The following HFM1 variants were observed in gnomAD, a reference collection of about 807,000 sequenced individuals.
HFM1 encodes helicase for meiosis 1, also known as probable ATP-dependent DNA helicase HFM1.
In HFM1, 169 loss-of-function variants were observed where a neutral mutation model predicts 192.1. The observed-to-expected ratio is 0.88, with a 90% CI of 0.78 to 1.00. The LOEUF is 1.00. HFM1 is among the 50% of genes least tolerant of loss of function. HFM1 has a pLI of 0.00. For synonymous variants in HFM1, 525 were observed against 537.8 expected (o/e 0.98, Z 0.33); for missense variants, 1,661 against 1,668.0 (o/e 1.00, Z 0.07).
chr1:91,387,839 T>C (rs11586664), intron 4 of HFM1, among the ~76,000 whole-genome samples: 5 of 143,496 alleles, frequency 3.5e-5, no homozygotes, highest in African/African-American at 7.9e-5. Flanking sequence ...GTGGGTGCAG[T>C]GCACCAGCAT....
chr1:91,389,682 C>A (rs1277952152), intron 4 of HFM1, among the ~76,000 whole-genome samples: 1 of 152,116 alleles, frequency 6.6e-6, no homozygotes, highest in Non-Finnish European at 1.5e-5. Flanking sequence ...GTTATTTACA[C>A]CACCCAATCT....
At chr1:91,347,135 T>C (rs954255833) in intron 19 of HFM1, among the ~76,000 whole-genome samples, 4 of 152,038 alleles carry the variant, frequency 2.6e-5, no homozygotes, top group African/African-American at 9.7e-5. Flanking sequence ...ATACAGAGTG[T>C]GTATCTGTAG....
At chr1:91,397,609 A>G (rs1488061320) in intron 2 of HFM1, among the ~76,000 whole-genome samples, 1 of 152,224 alleles carries the variant, frequency 6.6e-6, no homozygotes, top group Non-Finnish European at 1.5e-5. Context: ...TCTACAACAC[A>G]TTATCTGGCA....
upstream of HFM1, among the ~76,000 whole-genome samples, chr1:91,405,304 C>T (rs1664748232): frequency 6.6e-6 from 1 of 152,128 alleles, no homozygotes; most frequent in Non-Finnish European, 1.5e-5. Context: ...ATGTGTTTAG[C>T]CAACATGAAT....
At chr1:91,391,610 A>G (rs1663000857) in intron 4 of HFM1, among the ~76,000 whole-genome samples, 1 of 152,202 alleles carries the variant, frequency 6.6e-6, no homozygotes, top group Non-Finnish European at 1.5e-5. Context: ...TTCAAGATGG[A>G]TTAAAGACTT....
At chr1:91,276,431 GAAGGAAAGAAGAAAGATTTAGAAGAAAA>G (rs1219922878) in intron 32 of HFM1, among the ~76,000 whole-genome samples, 169 bp downstream of exon 32, 2 of 152,222 alleles carry the variant, frequency 1.3e-5, no homozygotes, top group South Asian at 4.1e-4. Context: ...AAAGAAGATG[GAAGGAAAGAAGAAAGATTTAGAAGAAAA>G]AAGGAAAGAA....
chr1:91,399,482 A>G (rs1340283106), intron 2 of HFM1, among the ~76,000 whole-genome samples: 2 of 152,214 alleles, frequency 1.3e-5, no homozygotes, highest in Non-Finnish European at 2.9e-5. Flanking sequence ...ACAGTGAATT[A>G]TATCCAAAAT....
chr1:91,300,257 A>G (rs546701728), intron 30 of HFM1, among the ~76,000 whole-genome samples: 1 of 152,232 alleles, frequency 6.6e-6, no homozygotes, highest in Non-Finnish European at 1.5e-5. Context: ...CTCTGAATAG[A>G]CCAATAACAG....
chr1:91,367,582 T>A (rs1021058961), intron 13 of HFM1, among the ~76,000 whole-genome samples: 3 of 152,098 alleles, frequency 2.0e-5, no homozygotes, highest in Admixed American at 6.5e-5. Context: ...AGAAAGGACA[T>A]CCACACCAAA....
chr1:91,320,074 T>C (rs556495601), intron 23 of HFM1, among the ~76,000 whole-genome samples: 1 of 152,332 alleles, frequency 6.6e-6, no homozygotes, highest in African/African-American at 2.4e-5. Context: ...AATCAGGCAT[T>C]GATATGCAAA....
At chr1:91,388,349 T>C (rs778530634) in intron 4 of HFM1, among the ~76,000 whole-genome samples, 3 of 152,124 alleles carry the variant, frequency 2.0e-5, no homozygotes, top group African/African-American at 7.2e-5. Context: ...ACCTGTGGGG[T>C]CTGACGCTAA....
chr1:91,341,738 G>A (rs569446032), intron 20 of HFM1, among the ~76,000 whole-genome samples: 1 of 151,070 alleles, frequency 6.6e-6, no homozygotes, highest in African/African-American at 2.4e-5. Flanking sequence ...AACACAATCA[G>A]AAATGACAAA....
chr1:91,340,725 C>G (rs1372017709), intron 20 of HFM1, among the ~76,000 whole-genome samples: 1 of 152,084 alleles, frequency 6.6e-6, no homozygotes, highest in African/African-American at 2.4e-5. Flanking sequence ...TGCAATAACA[C>G]CCATAGGCTT....
intron 13 of HFM1, among the ~76,000 whole-genome samples, chr1:91,358,182 T>C (rs1428846215): frequency 2.6e-5 from 4 of 152,058 alleles, no homozygotes; most frequent in Non-Finnish European, 5.9e-5. Flanking sequence ...ACCCCATCTC[T>C]ACTAAAAATA....
intron 13 of HFM1, among the ~76,000 whole-genome samples, chr1:91,367,278 G>C (rs1051247811): frequency 6.6e-6 from 1 of 152,206 alleles, no homozygotes; most frequent in Non-Finnish European, 1.5e-5. Flanking sequence ...CCAGCACGCA[G>C]CTTGAGATCT....
In HFM1 at chr1:91,379,780, TTTTTTA is replaced by T. The variant is rs1316858449; in HGVS notation, c.1006+318_1006+323del. 2.0e-5 allele frequency among the ~76,000 whole-genome samples: 3 copies of T among 152,212 alleles called. No individual in the cohort carries two copies. The East Asian group carries it at 5.8e-4, about 29-fold the overall frequency. ...CATATATTACTTTGATTAAAAAAAA[TTTTTTA>T]AATACATACCTAAGAAAGGAGAGTA... On this transcript the variant is annotated intron_variant, in intron 8 of 38. Coordinates refer to ENST00000370425, the MANE Select transcript of HFM1 (RefSeq NM_001017975.6).
At chr1:91,368,447 A>T (rs1402413416) in intron 13 of HFM1, among the ~76,000 whole-genome samples, 1 of 152,210 alleles carries the variant, frequency 6.6e-6, no homozygotes, top group African/African-American at 2.4e-5. Context: ...AATATTCAAC[A>T]TTCTTAAAGA....
intron 30 of HFM1, among the ~76,000 whole-genome samples, chr1:91,298,795 A>G (rs1036268415): frequency 6.6e-6 from 1 of 152,228 alleles, no homozygotes; most frequent in African/African-American, 2.4e-5. Flanking sequence ...GAAGCAATAA[A>G]CATGGAAAGG....
At chr1:91,336,110 G>C (rs281955) in intron 20 of HFM1, among the ~76,000 whole-genome samples, 145,092 of 145,564 alleles carry the variant, frequency 1, 72,316 homozygotes, top group Non-Finnish European at 1. Context: ...GGCTTTCTCT[G>C]TCCCATCCTC....
Sources: allele counts gnomAD v4.1 joint callset (sites outside exome capture counted in the v4.1 genomes callset), GRCh38; gene constraint gnomAD v4.1.1; transcripts MANE v1.5; gene names NCBI Gene and HGNC (gene_info 2026-07-23, HGNC 2026-07-21).